RAD54L2: variants seen among roughly 807,000 people sequenced by gnomAD.
The protein encoded by RAD54L2 is RAD54 like 2.
RAD54L2 carries 27 observed loss-of-function variants against 138.4 expected under a neutral mutation model. The ratio of observed to expected loss-of-function variants is 0.20; its 90% CI spans 0.14 to 0.27. RAD54L2 has a LOEUF of 0.27. RAD54L2 is among the 10% of genes least tolerant of loss of function. RAD54L2 has a pLI of 1.00. For synonymous variants in RAD54L2, 644 were observed against 723.2 expected (o/e 0.89, Z 1.76); for missense variants, 1,396 against 1,890.2 (o/e 0.74, Z 4.85).
chr3:51,607,870 C>A (rs1318490634), intron 3 of RAD54L2, among the ~76,000 whole-genome samples: 6 of 136,266 alleles, frequency 4.4e-5, no homozygotes, highest in South Asian at 2.5e-4. Context: ...CCAGATGGGG[C>A]GGCGGCCGGG....
rs1244234276 is a variant in RAD54L2, at chr3:51,667,412, C to T, written c.*3992C>T. ...AACTCCTGACCTCAAGTGATCCACC[C>T]TCCTCGGCCTCCCAGTGATGGGATT... On this transcript the variant is annotated 3_prime_UTR_variant, in exon 23 of 23. Transcript: ENST00000684192. The T allele has an allele frequency of 2.0e-5, 3 of 152,288 alleles. No homozygotes were observed. In the South Asian group the frequency reaches 6.2e-4, roughly 32 times the overall value. The allele number at this position is 152,288 out of a possible 1,614,324, so 9.4% of individuals were successfully genotyped here. A position where few individuals can be genotyped will look rare whatever the true frequency, so the allele number is the denominator to read the frequency against.
In RAD54L2 at chr3:51,659,631, G is replaced by A. The variant is rs561082271; in HGVS notation, c.3317-395G>A. ...CAGATCAAGAGGAGAACCTGGGCCA[G>A]AGTGCCTGGGAACATAGGATTCCAA... On this transcript the variant is annotated intron_variant, in intron 21 of 22. Transcript: ENST00000684192. Among the ~76,000 whole-genome samples the A allele has an allele frequency of 4.6e-5, 7 of 152,330 alleles. No homozygotes were observed. In the South Asian group the frequency reaches 1.4e-3, roughly 32 times the overall value.
In RAD54L2 at chr3:51,657,610, C is replaced by G; in HGVS notation, c.3257C>G (p.Thr1086Arg). 6.3e-7 allele frequency: 1 copy of G among 1,583,822 alleles called. No homozygotes were observed. Among genetic ancestry groups the G allele is most frequent in the Non-Finnish European group, 8.6e-7 (1 of 1,162,414 alleles). ...DIVIPGLNSSTDVQARINAGE... is the reference protein window; with the variant it reads ...DIVIPGLNSSRDVQARINAGE... Reference sequence around the variant, plus strand: ...GTTATTCCTGGACTCAACAGCTCCACAGATGTACAGGCAAGAATTAATGCT... The same window carrying G: ...GTTATTCCTGGACTCAACAGCTCCAGAGATGTACAGGCAAGAATTAATGCT... Residue 1086 changes from threonine to arginine, a missense_variant, in exon 21 of 23, where the codon ACA becomes AGA. This residue lies in a region of RAD54L2 where 634 missense variants were observed against 711.2 expected (regional missense o/e 0.89). Transcript: ENST00000684192.
chr3:51,564,140 G>C (rs951702624), intron 2 of RAD54L2, among the ~76,000 whole-genome samples: 10 of 152,166 alleles, frequency 6.6e-5, no homozygotes, highest in Non-Finnish European at 8.8e-5. Context: ...CCCAGTGCCT[G>C]GTAAAGCCTT....
Position 51,645,833 on chromosome 3 carries a change from C to T in RAD54L2, c.2829+70C>T. ...TGTCAAAGGAGGCTTGTCTTGTAAGCTTTTTTCTTCATCTGAGGTGATGTT... is the reference window on the plus strand; with the variant it reads ...TGTCAAAGGAGGCTTGTCTTGTAAGTTTTTTTCTTCATCTGAGGTGATGTT... On this transcript the variant is annotated intron_variant, in intron 18 of 22. Coordinates refer to ENST00000684192, the MANE Select transcript of RAD54L2 (RefSeq NM_015106.4). The surrounding 1 kb of genome is among the most constrained non-coding windows in gnomAD (Gnocchi z 6.1). 1 of 1,446,960 alleles carries T rather than the reference C, an allele frequency of 6.9e-7. No individual in the cohort carries two copies. The highest frequency in any genetic ancestry group is 9.2e-7 in the Non-Finnish European group (1 of 1,081,668). 89.6% of individuals were successfully genotyped at this position (1,446,960 alleles called of 1,614,324 possible).
intron 2 of RAD54L2, among the ~76,000 whole-genome samples, chr3:51,558,197 A>G (rs1415000692): frequency 1.3e-5 from 2 of 152,134 alleles, no homozygotes; most frequent in Non-Finnish European, 2.9e-5. Flanking sequence ...TGTTTAGGGC[A>G]AAGTAGAATT....
chr3:51,658,941 G>A (rs1342253247), intron 21 of RAD54L2, among the ~76,000 whole-genome samples: 2 of 151,946 alleles, frequency 1.3e-5, no homozygotes, highest in Non-Finnish European at 2.9e-5. Flanking sequence ...GTAATATTTT[G>A]TGACGTGAAA....
intron 3 of RAD54L2, among the ~76,000 whole-genome samples, chr3:51,599,544 GCTTTT>G (rs908657743): frequency 3.3e-5 from 5 of 151,896 alleles, no homozygotes; most frequent in Non-Finnish European, 5.9e-5. Context: ...AATCCAAGTA[GCTTTT>G]CTTTTCTTTT....
Position 51,586,950 on chromosome 3 carries a change from G to C in RAD54L2, c.-54-3417G>C, listed in dbSNP as rs183594562. On this transcript the variant is annotated intron_variant, in intron 2 of 22. Transcript: ENST00000684192. Reference sequence around the variant, plus strand: ...ACCATTGACTTCCAAACACAGAGTAGTTACTGATGAATATACTAACATTCA... The same window carrying C: ...ACCATTGACTTCCAAACACAGAGTACTTACTGATGAATATACTAACATTCA... Among the ~76,000 whole-genome samples, 8 of 152,246 alleles carry C rather than the reference G, an allele frequency of 5.3e-5. No individual in the cohort carries two copies. The East Asian group carries it at 1.4e-3, about 26-fold the overall frequency.
chr3:51,556,584 C>CT (rs11421076), intron 2 of RAD54L2, among the ~76,000 whole-genome samples: 112,789 of 149,812 alleles, frequency 0.75, 43,392 homozygotes, highest in Middle Eastern at 0.84. Context: ...ATCTATCTCT[C>CT]TTTTTTTTTG....
intron 10 of RAD54L2, 109 bp downstream of exon 10, chr3:51,635,898 T>A: frequency 8.5e-7 from 1 of 1,180,014 alleles, no homozygotes; most frequent in Non-Finnish European, 1.2e-6. Context: ...TGTGAATTGT[T>A]ATCATGGACC....
At chr3:51,543,630 G>A (rs1483674105) in intron 2 of RAD54L2, among the ~76,000 whole-genome samples, 1 of 148,830 alleles carries the variant, frequency 6.7e-6, no homozygotes, top group Admixed American at 6.7e-5. Context: ...AAAAAAAAGA[G>A]TAAATAATAC....
At position 51,590,513 on chromosome 3, in the gene RAD54L2, G is replaced by A; in HGVS notation, c.93G>A (p.Val31=). 6.4e-7 allele frequency: 1 copy of A among 1,552,472 alleles called. No homozygotes were observed. Among genetic ancestry groups the A allele is most frequent in the East Asian group, 2.4e-5 (1 of 40,932 alleles). The change falls in exon 3 of 23, where the codon GTG becomes GTA. Residue 31 remains valine (V), a synonymous_variant. Coordinates refer to ENST00000684192, the MANE Select transcript of RAD54L2 (RefSeq NM_015106.4). ...AAGAGGAGGAGGAGGAGGAGGAGGTGGCAGTGGAGGAGTGTGACAGGGATG... is the reference window on the plus strand; with the variant it reads ...AAGAGGAGGAGGAGGAGGAGGAGGTAGCAGTGGAGGAGTGTGACAGGGATG... The part of the protein sequence containing the change: ...DAEEEEEEEE[V]AVEECDRDDE...
intron 2 of RAD54L2, among the ~76,000 whole-genome samples, chr3:51,555,449 C>CA (rs1055770784): frequency 1.7e-4 from 26 of 151,994 alleles, no homozygotes; most frequent in African/African-American, 6.0e-4. Context: ...CCTGTCTCTA[C>CA]AAAAAATACA....
At position 51,607,072 on chromosome 3, in the gene RAD54L2, T is replaced by A. The variant is rs141086396; in HGVS notation, c.139+16513T>A. ...TTTTTTTGGATTTCTCTTTTTATTT[T>A]TTTTTATTTTTTTATTTTTTATTTT... On this transcript the variant is annotated intron_variant, in intron 3 of 22. Transcript: ENST00000684192. 1.7e-3 allele frequency among the ~76,000 whole-genome samples: 256 copies of A among 148,182 alleles called. 1 individual carries two copies. The East Asian group carries it at 0.032, about 18-fold the overall frequency.
At chr3:51,614,014 A>C (rs954542954) in intron 3 of RAD54L2, among the ~76,000 whole-genome samples, 7 of 152,180 alleles carry the variant, frequency 4.6e-5, no homozygotes, top group Admixed American at 3.9e-4. Context: ...CTCCCACCAC[A>C]GCATTATCTA....
chr3:51,546,845 A>G (rs975597587), intron 2 of RAD54L2, among the ~76,000 whole-genome samples: 7 of 151,560 alleles, frequency 4.6e-5, no homozygotes, highest in Admixed American at 6.6e-5. Context: ...CTTGGCTAAC[A>G]TGGCGAAACC....
intron 2 of RAD54L2, among the ~76,000 whole-genome samples, chr3:51,572,159 G>A (rs1699350917): frequency 2.0e-5 from 3 of 152,164 alleles, no homozygotes; most frequent in Non-Finnish European, 4.4e-5. Context: ...TAGAAGTGGT[G>A]TAAATCTGGC....
intron 3 of RAD54L2, among the ~76,000 whole-genome samples, chr3:51,616,538 C>A (rs1337288256): frequency 6.6e-6 from 1 of 152,012 alleles, no homozygotes; most frequent in African/African-American, 2.4e-5. Flanking sequence ...AAGAAAATAT[C>A]CACTGTCAGC....
Sources: gnomAD v4.1 joint callset for allele counts (sites outside exome capture counted in the v4.1 genomes callset) on GRCh38, gnomAD v4.1.1 for gene constraint, gnomAD v4.1.1 regional missense constraint, Gnocchi (gnomAD v3.1) non-coding constraint, MANE v1.5 for transcripts, NCBI Gene and HGNC (gene_info 2026-07-23, HGNC 2026-07-21) for gene names.